The following H4C5 variants were observed in gnomAD, a reference collection of about 807,000 sequenced individuals.
H4C5 encodes histone H4.
Under a neutral mutation model 5.3 loss-of-function variants are expected in H4C5, and 15 were observed. That is an observed-to-expected ratio of 2.84 (90% CI 1.90 to 4.37). The LOEUF is 4.37. Among genes scored for constraint, H4C5 ranks in the 30% most tolerant of loss-of-function variants. H4C5 has a pLI of 0.00. For missense variants in H4C5, 153 were observed against 145.7 expected (o/e 1.05, Z -0.26); for synonymous variants, 154 against 56.9 (o/e 2.71, Z -7.68).
rs772340953 is a variant in H4C5, at chr6:26,204,806, G to A, written c.162G>A (p.Glu54=). ...VKRISGLIYE[E]TRGVLKVFLE... ...GCATTTCTGGTCTCATCTACGAGGAGACTCGCGGGGTTCTGAAGGTGTTTC... is the reference window on the plus strand; with the variant it reads ...GCATTTCTGGTCTCATCTACGAGGAAACTCGCGGGGTTCTGAAGGTGTTTC... Residue 54 remains glutamate (E), a synonymous_variant, in exon 1 of 1, where the codon GAG becomes GAA. Coordinates refer to ENST00000615164, the MANE Select transcript of H4C5 (RefSeq NM_003545.4). The A allele has an allele frequency of 6.8e-6, 11 of 1,614,178 alleles. No individual in the cohort carries two copies. The highest frequency in any genetic ancestry group is 9.3e-6 in the Non-Finnish European group (11 of 1,180,018).
Position 26,204,970 on chromosome 6 carries a change from A to C in H4C5, c.*14A>C. 1 of 1,591,968 alleles carries C rather than the reference A, an allele frequency of 6.3e-7. No individual in the cohort carries two copies. Among genetic ancestry groups the C allele is most frequent in the Non-Finnish European group, 8.6e-7 (1 of 1,163,066 alleles). On this transcript the variant is annotated 3_prime_UTR_variant, in exon 1 of 1. Coordinates refer to ENST00000615164, the MANE Select transcript of H4C5 (RefSeq NM_003545.4). ...TTCGGCGGCTAATGCTACCGCTTAA[A>C]CGACTCAGCATCTCGACTTCCCAAA...
rs746421754 is a variant in H4C5 at position 26,204,982 on chromosome 6, CT to C, written c.*27del. The C allele has an allele frequency of 6.3e-7, 1 of 1,579,734 alleles. No homozygotes were observed. The highest frequency in any genetic ancestry group is 8.6e-7 in the Non-Finnish European group (1 of 1,156,906). On this transcript the variant is annotated 3_prime_UTR_variant, in exon 1 of 1. Transcript: ENST00000615164. ...TGCTACCGCTTAAACGACTCAGCATCTCGACTTCCCAAATCAAAGGCCCTTT... is the reference window on the plus strand; with the variant it reads ...TGCTACCGCTTAAACGACTCAGCATCCGACTTCCCAAATCAAAGGCCCTTT...
chr6:26,204,669 A>T lies in H4C5; in HGVS notation c.25A>T (p.Lys9Ter). 6.2e-7 allele frequency: 1 copy of T among 1,603,668 alleles called. No individual in the cohort carries two copies. The highest frequency in any genetic ancestry group is 8.5e-7 in the Non-Finnish European group (1 of 1,171,636). ...CATGTCTGGTCGCGGCAAAGGCGGA[A>T]AGGGACTGGGTAAAGGAGGCGCTAA... MSGRGKGGKGLGKGGAKRH... is the reference protein window; with the variant it reads MSGRGKGG Residue 9 changes from lysine to a stop codon, truncating the protein, a stop_gained, in exon 1 of 1, where the codon AAG becomes TAG. Coordinates refer to ENST00000615164, the MANE Select transcript of H4C5 (RefSeq NM_003545.4). LOFTEE classifies it high-confidence loss of function.
At position 26,204,636 on chromosome 6, in the gene H4C5, G is replaced by T; in HGVS notation, c.-9G>T. 1 of 1,578,132 alleles carries T rather than the reference G, an allele frequency of 6.3e-7. No homozygotes were observed. Among genetic ancestry groups the T allele is most frequent in the Non-Finnish European group, 8.6e-7 (1 of 1,157,020 alleles). On this transcript the variant is annotated 5_prime_UTR_variant, in exon 1 of 1. Coordinates refer to ENST00000615164, the MANE Select transcript of H4C5 (RefSeq NM_003545.4). ...GATTTTTGCGGCTATTTTCGTTGGT[G>T]TGTTGGTCATGTCTGGTCGCGGCAA...
At position 26,204,973 on chromosome 6, in the gene H4C5, A is replaced by T. The variant is rs781578163; in HGVS notation, c.*17A>T. 1.9e-6 allele frequency: 3 copies of T among 1,586,728 alleles called. No homozygotes were observed. In the Admixed American group the frequency reaches 5.1e-5, roughly 27 times the overall value. On this transcript the variant is annotated 3_prime_UTR_variant, in exon 1 of 1. Transcript: ENST00000615164. ...GGCGGCTAATGCTACCGCTTAAACGACTCAGCATCTCGACTTCCCAAATCA... is the reference window on the plus strand; with the variant it reads ...GGCGGCTAATGCTACCGCTTAAACGTCTCAGCATCTCGACTTCCCAAATCA...
Position 26,204,627 on chromosome 6 carries a change from T to C in H4C5, c.-18T>C. 2 of 1,555,646 alleles carry C rather than the reference T, an allele frequency of 1.3e-6. No individual in the cohort carries two copies. Among genetic ancestry groups the C allele is most frequent in the Non-Finnish European group, 1.7e-6 (2 of 1,148,114 alleles). On this transcript the variant is annotated 5_prime_UTR_variant, in exon 1 of 1. Transcript: ENST00000615164. ...TGTTTTTCAGATTTTTGCGGCTATT[T>C]TCGTTGGTGTGTTGGTCATGTCTGG...
At position 26,204,918 on chromosome 6, in the gene H4C5, A is replaced by T; in HGVS notation, c.274A>T (p.Lys92Ter). The T allele has an allele frequency of 6.2e-7, 1 of 1,613,196 alleles. No homozygotes were observed. The highest frequency in any genetic ancestry group is 8.5e-7 in the Non-Finnish European group (1 of 1,179,168). ...VTAMDVVYAL[K>*]RQGRTLYGFG... ...AGCGATGGATGTGGTCTACGCGCTGAAGAGACAGGGACGCACTCTTTACGG... is the reference window on the plus strand; with the variant it reads ...AGCGATGGATGTGGTCTACGCGCTGTAGAGACAGGGACGCACTCTTTACGG... Residue 92 changes from lysine (K) to a stop codon, truncating the protein, a stop_gained, in exon 1 of 1, where the codon AAG becomes TAG. Transcript: ENST00000615164. LOFTEE classifies it high-confidence loss of function.
rs1427755241 is a variant in H4C5 at position 26,204,636 on chromosome 6, G to C, written c.-9G>C. The stretch of plus-strand genomic sequence containing the variant: ...GATTTTTGCGGCTATTTTCGTTGGT[G>C]TGTTGGTCATGTCTGGTCGCGGCAA... On this transcript the variant is annotated 5_prime_UTR_variant, in exon 1 of 1. Transcript: ENST00000615164. 2 of 1,578,132 alleles carry C rather than the reference G, an allele frequency of 1.3e-6. No individual in the cohort carries two copies. The highest frequency in any genetic ancestry group is 1.7e-6 in the Non-Finnish European group (2 of 1,157,020).
At position 26,204,732 on chromosome 6, in the gene H4C5, A is replaced by AT; in HGVS notation, c.90dup (p.Thr31TyrfsTer39). The AT allele has an allele frequency of 6.2e-7, 1 of 1,614,182 alleles. No individual in the cohort carries two copies. The highest frequency in any genetic ancestry group is 8.5e-7 in the Non-Finnish European group (1 of 1,180,012). ...GGTCCTGCGAGATAACATCCAGGGC[A>AT]TTACCAAGCCTGCCATCCGGCGCCT... is the stretch of plus-strand genomic sequence containing the variant. On this transcript the variant is annotated frameshift_variant, in exon 1 of 1. Coordinates refer to ENST00000615164, the MANE Select transcript of H4C5 (RefSeq NM_003545.4). LOFTEE classifies it high-confidence loss of function.
rs1581455696 is a variant in H4C5, at chr6:26,204,890, G to A, written c.246G>A (p.Val82=). 3 of 1,614,004 alleles carry A rather than the reference G, an allele frequency of 1.9e-6. No homozygotes were observed. The highest frequency in any genetic ancestry group is 2.5e-6 in the Non-Finnish European group (3 of 1,179,972). The change falls in exon 1 of 1, where the codon GTG becomes GTA. Residue 82 remains valine, a synonymous_variant. Transcript: ENST00000615164. The part of the protein sequence containing the change: ...TYTEHAKRKT[V]TAMDVVYALK... ...CGGAGCACGCCAAACGCAAGACAGTGACAGCGATGGATGTGGTCTACGCGC... is the reference window on the plus strand; with the variant it reads ...CGGAGCACGCCAAACGCAAGACAGTAACAGCGATGGATGTGGTCTACGCGC...
Position 26,205,001 on chromosome 6 carries a change from G to C in H4C5, c.*45G>C. On this transcript the variant is annotated 3_prime_UTR_variant, in exon 1 of 1. Transcript: ENST00000615164. ...CAGCATCTCGACTTCCCAAATCAAAGGCCCTTTTCAGGGCCGCCCACAGTT... is the reference window on the plus strand; with the variant it reads ...CAGCATCTCGACTTCCCAAATCAAACGCCCTTTTCAGGGCCGCCCACAGTT... The C allele has an allele frequency of 2.6e-6, 4 of 1,559,162 alleles. No individual in the cohort carries two copies. Among genetic ancestry groups the C allele is most frequent in the South Asian group, 1.2e-5 (1 of 84,690 alleles).
chr6:26,204,916 T>C lies in H4C5; in HGVS notation c.272T>C (p.Leu91Pro), dbSNP rs1765199657. ...ACAGCGATGGATGTGGTCTACGCGC[T>C]GAAGAGACAGGGACGCACTCTTTAC... is the stretch of plus-strand genomic sequence containing the variant. The part of the protein sequence containing the change: ...TVTAMDVVYA[L>P]KRQGRTLYGF... The change falls in exon 1 of 1, where the codon CTG (leucine) becomes CCG (proline). Residue 91 changes from leucine (L) to proline (P), a missense_variant. Leu to Pro is a moderately conservative substitution (Grantham distance 98). Transcript: ENST00000615164. 2 of 1,613,212 alleles carry C rather than the reference T, an allele frequency of 1.2e-6. No individual in the cohort carries two copies. The highest frequency in any genetic ancestry group is 2.7e-5 in the African/African-American group (2 of 75,020).
rs776825708 is a variant in H4C5, at chr6:26,204,688, G to A, written c.44G>A (p.Gly15Asp). 17 of 1,613,256 alleles carry A rather than the reference G, an allele frequency of 1.1e-5. No homozygotes were observed. The highest frequency in any genetic ancestry group is 2.2e-5 in the East Asian group (1 of 44,858). Residue 15 changes from glycine (G) to aspartate (D), a missense_variant, in exon 1 of 1, where the codon GGC becomes GAC. Physicochemically the swap from Gly to Asp is moderately conservative, Grantham distance 94 (BLOSUM62 -1). Coordinates refer to ENST00000615164, the MANE Select transcript of H4C5 (RefSeq NM_003545.4). ...GGCGGAAAGGGACTGGGTAAAGGAG[G>A]CGCTAAGCGTCACCGTAAGGTCCTG... ...GKGGKGLGKG[G>D]AKRHRKVLRD...
chr6:26,204,712 T>A lies in H4C5; in HGVS notation c.68T>A (p.Leu23Gln). Residue 23 changes from leucine to glutamine, a missense_variant, in exon 1 of 1, where the codon CTG (leucine) becomes CAG (glutamine). By Grantham distance (113) the Leu-to-Gln change is moderately radical. Coordinates refer to ENST00000615164, the MANE Select transcript of H4C5 (RefSeq NM_003545.4). ...GGCGCTAAGCGTCACCGTAAGGTCCTGCGAGATAACATCCAGGGCATTACC... is the reference window on the plus strand; with the variant it reads ...GGCGCTAAGCGTCACCGTAAGGTCCAGCGAGATAACATCCAGGGCATTACC... ...KGGAKRHRKVLRDNIQGITKP... is the reference protein window; with the variant it reads ...KGGAKRHRKVQRDNIQGITKP... 1 of 1,614,138 alleles carries A rather than the reference T, an allele frequency of 6.2e-7. No homozygotes were observed. Among genetic ancestry groups the A allele is most frequent in the Non-Finnish European group, 8.5e-7 (1 of 1,180,018 alleles).
rs773794896 is a variant in H4C5 at position 26,204,989 on chromosome 6, TC to T, written c.*36del. ...GCTTAAACGACTCAGCATCTCGACT[TC>T]CCAAATCAAAGGCCCTTTTCAGGGC... On this transcript the variant is annotated 3_prime_UTR_variant, in exon 1 of 1. Transcript: ENST00000615164. The T allele has an allele frequency of 1.3e-6, 2 of 1,573,008 alleles. No individual in the cohort carries two copies. Among genetic ancestry groups the T allele is most frequent in the Non-Finnish European group, 1.7e-6 (2 of 1,153,936 alleles).
chr6:26,204,983 T>A lies in H4C5; in HGVS notation c.*27T>A. On this transcript the variant is annotated 3_prime_UTR_variant, in exon 1 of 1. Transcript: ENST00000615164. ...GCTACCGCTTAAACGACTCAGCATC[T>A]CGACTTCCCAAATCAAAGGCCCTTT... 1 of 1,579,664 alleles carries A rather than the reference T, an allele frequency of 6.3e-7. No homozygotes were observed. Among genetic ancestry groups the A allele is most frequent in the Non-Finnish European group, 8.6e-7 (1 of 1,156,872 alleles).
Position 26,204,625 on chromosome 6 carries a change from T to C in H4C5, c.-20T>C, listed in dbSNP as rs1561984932. Reference sequence around the variant, plus strand: ...CTTGTTTTTCAGATTTTTGCGGCTATTTTCGTTGGTGTGTTGGTCATGTCT... The same window carrying C: ...CTTGTTTTTCAGATTTTTGCGGCTACTTTCGTTGGTGTGTTGGTCATGTCT... On this transcript the variant is annotated 5_prime_UTR_variant, in exon 1 of 1. Coordinates refer to ENST00000615164, the MANE Select transcript of H4C5 (RefSeq NM_003545.4). 1.9e-6 allele frequency: 3 copies of C among 1,553,264 alleles called. No individual in the cohort carries two copies. Among genetic ancestry groups the C allele is most frequent in the South Asian group, 1.2e-5 (1 of 85,422 alleles).
chr6:26,204,720 A>G lies in H4C5; in HGVS notation c.76A>G (p.Asn26Asp). The G allele has an allele frequency of 6.2e-7, 1 of 1,614,178 alleles. No homozygotes were observed. The change falls in exon 1 of 1, where the codon AAC becomes GAC. Residue 26 changes from asparagine to aspartate, a missense_variant. Physicochemically the swap from Asn to Asp is conservative, Grantham distance 23. Transcript: ENST00000615164. Reference protein sequence around the residue: ...AKRHRKVLRDNIQGITKPAIR... With the variant: ...AKRHRKVLRDDIQGITKPAIR... ...GCGTCACCGTAAGGTCCTGCGAGAT[A>G]ACATCCAGGGCATTACCAAGCCTGC...
rs754219809 is a variant in H4C5, at chr6:26,204,620, G to A, written c.-25G>A. 7.1e-6 allele frequency: 11 copies of A among 1,547,826 alleles called. No homozygotes were observed. The highest frequency in any genetic ancestry group is 9.6e-6 in the Non-Finnish European group (11 of 1,144,610). On this transcript the variant is annotated 5_prime_UTR_variant, in exon 1 of 1. Transcript: ENST00000615164. ...CGTCGCTTGTTTTTCAGATTTTTGCGGCTATTTTCGTTGGTGTGTTGGTCA... is the reference window on the plus strand; with the variant it reads ...CGTCGCTTGTTTTTCAGATTTTTGCAGCTATTTTCGTTGGTGTGTTGGTCA...
Sources: allele counts gnomAD v4.1 joint callset, GRCh38; gene constraint gnomAD v4.1.1; transcripts MANE v1.5; gene names NCBI Gene and HGNC (gene_info 2026-07-23, HGNC 2026-07-21).